The following TAFA2 variants were observed in gnomAD, a reference collection of about 807,000 sequenced individuals.
The protein encoded by TAFA2 is chemokine-like protein TAFA-2.
In TAFA2, 7 loss-of-function variants were observed where a neutral mutation model predicts 18.8. The observed-to-expected ratio is 0.37, with a 90% CI of 0.21 to 0.70. TAFA2 has a LOEUF of 0.70. Ranked by LOEUF, TAFA2 falls within the 30% of genes least tolerant of loss-of-function variation. The probability of loss-of-function intolerance (pLI) is 0.53; values close to 1 mark genes in which losing one functional copy is unlikely to be tolerated. For missense variants in TAFA2, 122 were observed against 158.1 expected (o/e 0.77, Z 1.23); for synonymous variants, 60 against 54.2 (o/e 1.11, Z -0.47).
chr12:62,133,961 C>G (rs1365540187), intron 1 of TAFA2, among the ~76,000 whole-genome samples: 1 of 152,062 alleles, frequency 6.6e-6, no homozygotes, highest in Non-Finnish European at 1.5e-5. Context: ...CTAACTTCAT[C>G]TCACGATACT....
intron 1 of TAFA2, among the ~76,000 whole-genome samples, chr12:62,026,799 A>G (rs1251416822): frequency 6.6e-6 from 1 of 152,216 alleles, no homozygotes; most frequent in Non-Finnish European, 1.5e-5. Flanking sequence ...AACAAAAGAA[A>G]GCATTTGGAA....
chr12:61,967,924 T>C (rs776041031), intron 1 of TAFA2, among the ~76,000 whole-genome samples: 10 of 151,806 alleles, frequency 6.6e-5, no homozygotes, highest in Non-Finnish European at 1.5e-4. Context: ...AGGTCTGCAG[T>C]CCCATATTTC....
At chr12:61,740,039 A>G (rs538499858) in intron 4 of TAFA2, among the ~76,000 whole-genome samples, 1 of 152,182 alleles carries the variant, frequency 6.6e-6, no homozygotes, top group South Asian at 2.1e-4. Flanking sequence ...ATTGCATTCA[A>G]TTTGCAAGCA....
chr12:62,058,681 C>T (rs1882254000), intron 1 of TAFA2, among the ~76,000 whole-genome samples: 1 of 152,100 alleles, frequency 6.6e-6, no homozygotes, highest in African/African-American at 2.4e-5. Flanking sequence ...AATTGTTCAA[C>T]TGGGCATGGT....
chr12:61,724,853 A>G (rs1353609088), intron 4 of TAFA2, among the ~76,000 whole-genome samples: 2 of 151,166 alleles, frequency 1.3e-5, no homozygotes, highest in Non-Finnish European at 3.0e-5. Flanking sequence ...AGATTGCTGG[A>G]TCAAATTGTA....
intron 2 of TAFA2, among the ~76,000 whole-genome samples, chr12:61,859,016 T>C (rs528315262): frequency 6.6e-6 from 1 of 152,336 alleles, no homozygotes; most frequent in African/African-American, 2.4e-5. Flanking sequence ...GAATTACATT[T>C]TTACAACATT....
intron 2 of TAFA2, among the ~76,000 whole-genome samples, chr12:61,755,906 TA>T (rs1444718031): frequency 6.6e-6 from 1 of 152,128 alleles, no homozygotes; most frequent in Non-Finnish European, 1.5e-5. Flanking sequence ...TTTTGCCTGC[TA>T]AAATTAAAAA....
chr12:61,756,304 T>C (rs1252865076), intron 2 of TAFA2, among the ~76,000 whole-genome samples: 2 of 152,082 alleles, frequency 1.3e-5, no homozygotes, highest in Non-Finnish European at 2.9e-5. Context: ...AGATATAAAT[T>C]GGAATGTTTT....
intron 2 of TAFA2, among the ~76,000 whole-genome samples, chr12:61,765,618 T>C (rs371259314): frequency 6.6e-6 from 1 of 152,236 alleles, no homozygotes; most frequent in South Asian, 2.1e-4. Flanking sequence ...CAGCTATTCA[T>C]AGGTGAAATA....
chr12:62,207,064 T>C (rs990368858), intron 1 of TAFA2: 1 of 152,192 alleles, frequency 6.6e-6, no homozygotes, highest in African/African-American at 2.4e-5. Context: ...TAGGAAAACA[T>C]ACTTAATTTT....
At chr12:61,842,172 T>C (rs567370634) in intron 2 of TAFA2, among the ~76,000 whole-genome samples, 2 of 151,810 alleles carry the variant, frequency 1.3e-5, no homozygotes, top group East Asian at 1.9e-4. Flanking sequence ...GCCACATAAA[T>C]AGGTTTATTA....
chr12:61,880,736 G>A (rs1875091089), intron 1 of TAFA2: 3 of 375,710 alleles, frequency 8.0e-6, no homozygotes, highest in Non-Finnish European at 1.6e-5. Context: ...GCGATGGGAA[G>A]CTTGTGTCTG....
At chr12:62,011,751 T>TAAAAAAAA (rs202026493) in intron 1 of TAFA2, among the ~76,000 whole-genome samples, 2 of 102,854 alleles carry the variant, frequency 1.9e-5, no homozygotes, top group African/African-American at 3.5e-5. Flanking sequence ...CAATAAATAC[T>TAAAAAAAA]AAAAAAAAAA....
intron 1 of TAFA2, among the ~76,000 whole-genome samples, chr12:61,928,372 T>A (rs1877399653): frequency 6.6e-6 from 1 of 152,110 alleles, no homozygotes. Context: ...AGCAGACACT[T>A]CTCAAAAGAA....
chr12:61,970,730 T>G (rs1879218832), intron 1 of TAFA2, among the ~76,000 whole-genome samples: 1 of 150,216 alleles, frequency 6.7e-6, no homozygotes, highest in African/African-American at 2.4e-5. Context: ...GAAGTAGTTA[T>G]AGAAACAAGA....
chr12:61,826,338 C>CTGTG (rs57736074), intron 2 of TAFA2, among the ~76,000 whole-genome samples: 1,586 of 149,096 alleles, frequency 0.011, 9 homozygotes, highest in East Asian at 0.017. Flanking sequence ...ATTAGTTCAT[C>CTGTG]TGTGTGTGTG....
intron 2 of TAFA2, among the ~76,000 whole-genome samples, chr12:61,863,330 A>C (rs994173368): frequency 2.0e-5 from 3 of 152,226 alleles, no homozygotes; most frequent in Admixed American, 6.5e-5. Flanking sequence ...TATTAGGTAT[A>C]CAGATGATCC....
At chr12:62,058,982 A>C (rs1208157896) in intron 1 of TAFA2, among the ~76,000 whole-genome samples, 1 of 152,160 alleles carries the variant, frequency 6.6e-6, no homozygotes, top group Non-Finnish European at 1.5e-5. Context: ...GGGCGCCTGT[A>C]GTCTCAGCTA....
intron 1 of TAFA2, among the ~76,000 whole-genome samples, chr12:62,108,885 T>C (rs1290540466): frequency 6.6e-6 from 1 of 152,236 alleles, no homozygotes; most frequent in Admixed American, 6.5e-5. Flanking sequence ...ATTAGCCCTT[T>C]GTCAGATGGA....
Sources: gnomAD v4.1 joint callset for allele counts (sites outside exome capture counted in the v4.1 genomes callset) on GRCh38, gnomAD v4.1.1 for gene constraint, MANE v1.5 for transcripts, NCBI Gene and HGNC (gene_info 2026-07-23, HGNC 2026-07-21) for gene names.